Variants in PDE11A observed in about 807,000 individuals in gnomAD.
PDE11A encodes the protein phosphodiesterase 11A, also known as dual 3',5'-cyclic-AMP and -GMP phosphodiesterase 11A.
In PDE11A, 100 loss-of-function variants were observed where a neutral mutation model predicts 100.5. The ratio of observed to expected loss-of-function variants is 1.00; its 90% CI spans 0.85 to 1.18. PDE11A has a LOEUF of 1.18. PDE11A is among the 50% of genes most tolerant of loss of function. PDE11A has a pLI of 0.00. For synonymous variants in PDE11A, 381 were observed against 420.8 expected, an observed-to-expected ratio of 0.91 and a Z score of 1.16; for missense variants, 1,141 against 1,152.6, an observed-to-expected ratio of 0.99 and a Z score of 0.15.
At chr2:177,661,650 A>G (rs2080486678) in intron 19 of PDE11A, among the ~76,000 whole-genome samples, 1 of 152,210 alleles carries the variant, frequency 6.6e-6, no homozygotes, top group Non-Finnish European at 1.5e-5. Flanking sequence ...CCTTGTATAA[A>G]ACTTACAAAT....
intron 9 of PDE11A, among the ~76,000 whole-genome samples, chr2:177,811,238 A>T (rs931400790): frequency 3.3e-5 from 5 of 152,132 alleles, no homozygotes; most frequent in African/African-American, 1.2e-4. Context: ...ATGAACCTAC[A>T]TTAGCATAGC....
At chr2:177,928,803 C>T (rs1418444269) in intron 2 of PDE11A, among the ~76,000 whole-genome samples, 2 of 151,876 alleles carry the variant, frequency 1.3e-5, no homozygotes, top group Non-Finnish European at 2.9e-5. Context: ...GTCAAGGTTG[C>T]AGTCAGCCAT....
intron 15 of PDE11A, among the ~76,000 whole-genome samples, chr2:177,693,827 C>G (rs2081074223): frequency 6.6e-6 from 1 of 152,134 alleles, no homozygotes; most frequent in Non-Finnish European, 1.5e-5. Context: ...TGTGCCTGAT[C>G]AGCAAAAAAG....
intron 14 of PDE11A, among the ~76,000 whole-genome samples, chr2:177,698,065 T>C (rs1305580561): frequency 5.3e-5 from 8 of 152,128 alleles, no homozygotes; most frequent in Admixed American, 2.0e-4. Flanking sequence ...ACAACAAAGA[T>C]TTACTGGCCC....
chr2:177,726,630 A>G (rs1289673798), intron 12 of PDE11A, among the ~76,000 whole-genome samples: 2 of 151,292 alleles, frequency 1.3e-5, no homozygotes, highest in Non-Finnish European at 2.9e-5. Context: ...AAGGATGAGT[A>G]AAATTTTAAT....
chr2:177,997,598 G>C (rs1243372114), intron 2 of PDE11A: 4 of 1,007,370 alleles, frequency 4.0e-6, no homozygotes, highest in African/African-American at 1.6e-5. Flanking sequence ...AGAGCTAAGT[G>C]AAGTTGTCTG....
chr2:177,889,542 T>C (rs1033409555), intron 4 of PDE11A, among the ~76,000 whole-genome samples: 5 of 152,158 alleles, frequency 3.3e-5, no homozygotes, highest in African/African-American at 9.7e-5. Flanking sequence ...GAATACTTAG[T>C]TTGGACCTCT....
intron 16 of PDE11A, among the ~76,000 whole-genome samples, chr2:177,679,239 G>A (rs2080824805): frequency 6.6e-6 from 1 of 152,070 alleles, no homozygotes; most frequent in Non-Finnish European, 1.5e-5. Flanking sequence ...TAAGGAATGG[G>A]TAAATACTCT....
In PDE11A at chr2:177,813,266, C is replaced by T. The variant is rs561605947; in HGVS notation, c.1737+3563G>A. ...CTTGGAGTGTCCTTCTCTCAATAAACTCTGTACTCTTTATTTTCTTTCAAT... is the reference window on the plus strand; with the variant it reads ...CTTGGAGTGTCCTTCTCTCAATAAATTCTGTACTCTTTATTTTCTTTCAAT... On this transcript the variant is annotated intron_variant, in intron 9 of 19. Coordinates refer to ENST00000286063, the MANE Select transcript of PDE11A (RefSeq NM_016953.4). Among the ~76,000 whole-genome samples, 8 of 152,318 alleles carry T rather than the reference C, an allele frequency of 5.3e-5. No individual in the cohort carries two copies. The South Asian group carries it at 1.0e-3, about 20-fold the overall frequency.
At chr2:177,735,127 G>A (rs113928469) in intron 10 of PDE11A, among the ~76,000 whole-genome samples, 6 of 152,334 alleles carry the variant, frequency 3.9e-5, no homozygotes, top group African/African-American at 1.2e-4. Context: ...TATGGGTTAA[G>A]AGCTGCGATG....
rs75815376 is a variant in PDE11A at position 177,741,261 on chromosome 2, G to A, written c.1789-13089C>T. On this transcript the variant is annotated intron_variant, in intron 10 of 19. Coordinates refer to ENST00000286063, the MANE Select transcript of PDE11A (RefSeq NM_016953.4). ...TTGTGGATGGCTGCCTTCTCGCTAC[G>A]TGCTCACACGGCCTTCTCTCTGTAC... Among the ~76,000 whole-genome samples, 340 of 152,234 alleles carry A rather than the reference G, an allele frequency of 2.2e-3. 1 individual carries two copies. Among genetic ancestry groups the A allele is most frequent in the African/African-American group, 7.8e-3 (324 of 41,546 alleles).
intron 7 of PDE11A, 46 bp downstream of exon 7, chr2:177,820,174 T>C (rs1212055295): frequency 2.9e-6 from 3 of 1,022,468 alleles, no homozygotes; most frequent in African/African-American, 1.6e-5. Context: ...AAAGCAAACT[T>C]CTGTTTCTTT....
At chr2:177,892,502 A>G (rs1242863083) in intron 4 of PDE11A, among the ~76,000 whole-genome samples, 2 of 152,268 alleles carry the variant, frequency 1.3e-5, no homozygotes, top group African/African-American at 4.8e-5. Context: ...TAACTCAACT[A>G]AATTTATCTG....
intron 2 of PDE11A, among the ~76,000 whole-genome samples, chr2:177,963,555 C>G (rs2085661366): frequency 6.6e-6 from 1 of 152,196 alleles, no homozygotes; most frequent in Admixed American, 6.5e-5. Context: ...TGCACCTAGC[C>G]ACAGTTCAGC....
At chr2:177,665,031 G>T (rs1166492465) in intron 18 of PDE11A, among the ~76,000 whole-genome samples, 2 of 152,126 alleles carry the variant, frequency 1.3e-5, no homozygotes, top group Non-Finnish European at 2.9e-5. Flanking sequence ...TGGGGAGAAG[G>T]TCACTGATTC....
intron 15 of PDE11A, chr2:177,686,663 A>C (rs1443766380): frequency 1.3e-5 from 2 of 151,492 alleles, no homozygotes; most frequent in African/African-American, 4.9e-5. Context: ...ATAGCCAAAG[A>C]GATATTTTAA....
At chr2:177,779,412 A>C (rs1001913085) in intron 9 of PDE11A, among the ~76,000 whole-genome samples, 3 of 152,228 alleles carry the variant, frequency 2.0e-5, no homozygotes, top group Admixed American at 2.0e-4. Flanking sequence ...TCTGTAGCAT[A>C]CAATGCTGCT....
chr2:177,662,966 G>T (rs535798896), intron 19 of PDE11A, among the ~76,000 whole-genome samples: 1 of 152,278 alleles, frequency 6.6e-6, no homozygotes, highest in East Asian at 1.9e-4. Flanking sequence ...TTTTAATGGG[G>T]TTACATAGGG....
chr2:177,733,726 G>A (rs1240180629), intron 10 of PDE11A, among the ~76,000 whole-genome samples: 1 of 152,216 alleles, frequency 6.6e-6, no homozygotes, highest in Non-Finnish European at 1.5e-5. Flanking sequence ...ACAGGAGGTT[G>A]AGCTGTGGTG....
Sources: allele counts gnomAD v4.1 joint callset (sites outside exome capture counted in the v4.1 genomes callset), GRCh38; gene constraint gnomAD v4.1.1; transcripts MANE v1.5; gene names NCBI Gene and HGNC (gene_info 2026-07-23, HGNC 2026-07-21).